The following MEI4 variants were observed in gnomAD, a reference collection of about 807,000 sequenced individuals.
MEI4 encodes meiosis-specific protein MEI4.
MEI4 carries 27 observed loss-of-function variants against 31.4 expected under a neutral mutation model. The ratio of observed to expected loss-of-function variants is 0.86; its 90% CI spans 0.63 to 1.19. The LOEUF is 1.19. Ranked by LOEUF, MEI4 falls within the 50% of genes most tolerant of loss-of-function variation. The pLI, the probability that MEI4 is intolerant of heterozygous loss-of-function variation, is 0.00. For missense variants in MEI4, 329 were observed against 398.9 expected (o/e 0.82, Z 1.49); for synonymous variants, 122 against 145.4 (o/e 0.84, Z 1.16).
intron 4 of MEI4, among the ~76,000 whole-genome samples, chr6:77,833,241 T>G (rs776019590): frequency 6.6e-6 from 1 of 152,098 alleles, no homozygotes; most frequent in African/African-American, 2.4e-5. Context: ...ATAATAACTT[T>G]GAAAAAGTGG....
chr6:77,803,504 G>A (rs1352784010), intron 3 of MEI4, among the ~76,000 whole-genome samples: 1 of 152,152 alleles, frequency 6.6e-6, no homozygotes, highest in African/African-American at 2.4e-5. Context: ...GCTTTATTCT[G>A]TTGCTGGTGA....
At chr6:77,815,001 G>T (rs9294087) in intron 3 of MEI4, among the ~76,000 whole-genome samples, 31,963 of 151,976 alleles carry the variant, frequency 0.21, 3,818 homozygotes, top group African/African-American at 0.32. Context: ...ACCAAATAGT[G>T]CGAGCTCATT....
intron 2 of MEI4, among the ~76,000 whole-genome samples, chr6:77,740,479 A>T (rs1477508666): frequency 2.6e-5 from 4 of 152,302 alleles, no homozygotes; most frequent in Admixed American, 2.6e-4. Context: ...ATGCTTTGCA[A>T]TGTGATAAAA....
chr6:77,823,738 T>C (rs113337407), intron 3 of MEI4, among the ~76,000 whole-genome samples: 122 of 152,250 alleles, frequency 8.0e-4, no homozygotes, highest in African/African-American at 2.8e-3. Context: ...TATAGAATAA[T>C]AGGAAAATAA....
At chr6:77,713,941 T>G (rs781643984) in intron 2 of MEI4, among the ~76,000 whole-genome samples, 6 of 152,164 alleles carry the variant, frequency 3.9e-5, no homozygotes, top group Admixed American at 6.5e-5. Context: ...ATGTCTTAAG[T>G]GTTCCCATCA....
chr6:77,912,353 T>C (rs948290358), intron 4 of MEI4, among the ~76,000 whole-genome samples: 2 of 152,104 alleles, frequency 1.3e-5, no homozygotes, highest in Non-Finnish European at 2.9e-5. Context: ...TTTCTATTTA[T>C]ACGAAAAATG....
At chr6:77,917,039 C>T (rs552257277) in intron 4 of MEI4, among the ~76,000 whole-genome samples, 49 of 150,242 alleles carry the variant, frequency 3.3e-4, no homozygotes, top group African/African-American at 1.0e-3. Flanking sequence ...TTTGTTCTTG[C>T]GATAGTTTAC....
At chr6:77,697,173 G>C (rs7383101) in intron 2 of MEI4, among the ~76,000 whole-genome samples, 123,134 of 152,070 alleles carry the variant, frequency 0.81, 50,092 homozygotes, top group East Asian at 0.95. Context: ...CTTTATTAGT[G>C]TTGCTAGCGG....
intron 3 of MEI4, among the ~76,000 whole-genome samples, chr6:77,772,980 A>ATAAAC (rs70974685): frequency 0.3 from 44,881 of 151,464 alleles, 6,752 homozygotes; most frequent in East Asian, 0.48. Flanking sequence ...AGACCTATGA[A>ATAAAC]TAAAGAAGAG....
intron 2 of MEI4, among the ~76,000 whole-genome samples, chr6:77,692,750 G>A (rs886183874): frequency 6.6e-6 from 1 of 151,994 alleles, no homozygotes; most frequent in East Asian, 1.9e-4. Flanking sequence ...AATTCAGATG[G>A]TGAACACAGA....
intron 3 of MEI4, among the ~76,000 whole-genome samples, chr6:77,823,312 C>G (rs2127709353): frequency 6.6e-6 from 1 of 152,282 alleles, no homozygotes; most frequent in South Asian, 2.1e-4. Flanking sequence ...TACCTTCACT[C>G]TAAGTACACT....
At chr6:77,680,263 A>G (rs1481681603) in intron 1 of MEI4, among the ~76,000 whole-genome samples, 2 of 151,474 alleles carry the variant, frequency 1.3e-5, no homozygotes, top group Admixed American at 6.6e-5. Context: ...TGGGCGAGTG[A>G]GACTCCATCT....
intron 1 of MEI4, among the ~76,000 whole-genome samples, chr6:77,687,130 A>G (rs1317819485): frequency 6.6e-6 from 1 of 152,022 alleles, no homozygotes; most frequent in East Asian, 1.9e-4. Flanking sequence ...ACATTTTTTC[A>G]CAGCCCCATG....
intron 2 of MEI4, among the ~76,000 whole-genome samples, chr6:77,745,319 C>T (rs1304154556): frequency 6.6e-6 from 1 of 152,098 alleles, no homozygotes; most frequent in East Asian, 1.9e-4. Context: ...GGGTTGCAAT[C>T]CTAGTCTCTG....
chr6:77,826,591 C>T (rs1383777357), intron 3 of MEI4, among the ~76,000 whole-genome samples: 1 of 152,148 alleles, frequency 6.6e-6, no homozygotes, highest in East Asian at 1.9e-4. Context: ...CCAGAATTCA[C>T]AAAGGCCTAT....
chr6:77,865,032 A>T (rs1489266587), intron 4 of MEI4, among the ~76,000 whole-genome samples: 1 of 152,210 alleles, frequency 6.6e-6, no homozygotes, highest in Non-Finnish European at 1.5e-5. Flanking sequence ...TTTGAAACCA[A>T]CGAGAACAAA....
chr6:77,815,742 T>C (rs1201086039), intron 3 of MEI4, among the ~76,000 whole-genome samples: 3 of 152,126 alleles, frequency 2.0e-5, no homozygotes, highest in Admixed American at 2.0e-4. Context: ...GTTGGAACTT[T>C]AGGGAGTATT....
Position 77,924,196 on chromosome 6 carries a change from T to C in MEI4, c.*850T>C, listed in dbSNP as rs776369391. The C allele has an allele frequency of 1.3e-5, 2 of 151,850 alleles. No homozygotes were observed. Among genetic ancestry groups the C allele is most frequent in the African/African-American group, 4.8e-5 (2 of 41,402 alleles). 9.4% of individuals were successfully genotyped at this position (151,850 alleles called of 1,614,324 possible). On this transcript the variant is annotated 3_prime_UTR_variant, in exon 5 of 5. Coordinates refer to ENST00000684080, the MANE Select transcript of MEI4 (RefSeq NM_001322247.2). ...CATAACCGCAAACTTAATGAGCATA[T>C]GTTACATTTCCTATAGTGCCATTTA...
At chr6:77,862,117 C>A (rs781408668) in intron 4 of MEI4, among the ~76,000 whole-genome samples, 6 of 151,902 alleles carry the variant, frequency 3.9e-5, no homozygotes, top group Non-Finnish European at 7.4e-5. Context: ...AGGAACAGCT[C>A]CAGTCTACAG....
Sources: allele counts gnomAD v4.1 joint callset (sites outside exome capture counted in the v4.1 genomes callset), GRCh38; gene constraint gnomAD v4.1.1; transcripts MANE v1.5; gene names NCBI Gene and HGNC (gene_info 2026-07-23, HGNC 2026-07-21).